The following ANKRD44 variants were observed in gnomAD, a reference collection of about 807,000 sequenced individuals.
ANKRD44 encodes serine/threonine-protein phosphatase 6 regulatory ankyrin repeat subunit B.
ANKRD44 carries 35 observed loss-of-function variants against 116.0 expected under a neutral mutation model. The observed-to-expected ratio is 0.30, with a 90% confidence interval of 0.23 to 0.40. The LOEUF (loss-of-function observed/expected upper bound fraction) is 0.40. ANKRD44 is among the 10% of genes least tolerant of loss of function. ANKRD44 has a pLI of 1.00. For synonymous variants in ANKRD44, 435 were observed against 461.8 expected, an observed-to-expected ratio of 0.94 and a Z score of 0.74; for missense variants, 1,014 against 1,242.6, an observed-to-expected ratio of 0.82 and a Z score of 2.77.
intron 15 of ANKRD44, among the ~76,000 whole-genome samples, chr2:197,080,199 T>A (rs529882957): frequency 6.6e-6 from 1 of 152,344 alleles, no homozygotes; most frequent in African/African-American, 2.4e-5. Flanking sequence ...ATTGAATTTG[T>A]AATATAGCCA....
At chr2:197,044,685 C>T (rs927965425) in intron 16 of ANKRD44, among the ~76,000 whole-genome samples, 2 of 152,050 alleles carry the variant, frequency 1.3e-5, no homozygotes, top group Admixed American at 1.3e-4. Flanking sequence ...TAAGTATATG[C>T]CTGAAAAGTG....
At chr2:197,235,019 A>G (rs774292466) in intron 1 of ANKRD44, among the ~76,000 whole-genome samples, 3 of 152,174 alleles carry the variant, frequency 2.0e-5, no homozygotes, top group Non-Finnish European at 4.4e-5. Flanking sequence ...AATCAGCCCT[A>G]TGTTTCACTC....
At chr2:196,982,891 G>A (rs1325463499), downstream of ANKRD44, among the ~76,000 whole-genome samples, 1 of 152,158 alleles carries the variant, frequency 6.6e-6, no homozygotes, top group East Asian at 1.9e-4. Flanking sequence ...CATGGATGAA[G>A]CTAGAAGCCA....
chr2:197,027,672 G>T (rs1026493001), intron 16 of ANKRD44, among the ~76,000 whole-genome samples: 1 of 137,902 alleles, frequency 7.3e-6, no homozygotes, highest in Non-Finnish European at 1.5e-5. Flanking sequence ...GGAAAATAAT[G>T]CCTGAGAATT....
At chr2:197,001,928 G>A in intron 21 of ANKRD44, 88 bp from the exon 22 acceptor site, 2 of 956,412 alleles carry the variant, frequency 2.1e-6, no homozygotes, top group African/African-American at 1.6e-5. Flanking sequence ...TTGAGTTTTT[G>A]GTTTATGAAT....
intron 16 of ANKRD44, among the ~76,000 whole-genome samples, chr2:197,059,266 T>G (rs1480882014): frequency 2.0e-5 from 3 of 152,174 alleles, no homozygotes; most frequent in African/African-American, 7.2e-5. Context: ...TTCAATAATT[T>G]TAAAAAATTT....
intron 16 of ANKRD44, chr2:197,029,642 T>C: frequency 2.8e-6 from 1 of 353,166 alleles, no homozygotes. Context: ...AAGGCCTTCA[T>C]GGTACCATTA....
intron 16 of ANKRD44, among the ~76,000 whole-genome samples, chr2:197,048,052 G>A (rs1022059613): frequency 5.3e-5 from 8 of 152,062 alleles, no homozygotes. Flanking sequence ...AATAGTTTTT[G>A]AGACTCCTTT....
chr2:197,016,949 G>A (rs998237690), intron 17 of ANKRD44, among the ~76,000 whole-genome samples: 5 of 151,890 alleles, frequency 3.3e-5, no homozygotes, highest in Non-Finnish European at 7.4e-5. Context: ...ATACGCAAAA[G>A]GCATGAAAAG....
intron 2 of ANKRD44, among the ~76,000 whole-genome samples, chr2:197,160,942 C>G (rs1278209087): frequency 6.6e-6 from 1 of 152,076 alleles, no homozygotes; most frequent in African/African-American, 2.4e-5. Flanking sequence ...AATAGAAGCC[C>G]CTTCTTAGTA....
In ANKRD44 at chr2:197,071,304, T is replaced by G. The variant is rs574114026; in HGVS notation, c.1650+7399A>C. 1.9e-4 allele frequency among the ~76,000 whole-genome samples: 29 copies of G among 152,308 alleles called. No homozygotes were observed. In the South Asian group the frequency reaches 5.8e-3, roughly 30 times the overall value. ...GAAGCTTAGATTACTGACTTGAGAC[T>G]TTCCTCTTTTCTGATGTAACCATTT... On this transcript the variant is annotated intron_variant, in intron 16 of 27. Transcript: ENST00000282272.
In ANKRD44 at chr2:197,025,255, T is replaced by G. The variant is rs2076569305; in HGVS notation, c.1663A>C (p.Thr555Pro). The change falls in exon 17 of 28, where the codon ACA (threonine) becomes CCA (proline). Residue 555 changes from threonine to proline, a missense_variant. Physicochemically the swap from Thr to Pro is conservative, Grantham distance 38 (BLOSUM62 -1). Coordinates refer to ENST00000282272, the MANE Select transcript of ANKRD44 (RefSeq NM_001195144.2). ...RQCLELLLER[T>P]NSGFEESDSG... ...TCTGATTCTTCAAATCCACTGTTTG[T>G]TCTTTCCAAAAGCTGTGGAGACAAA... The G allele has an allele frequency of 6.2e-7, 1 of 1,611,148 alleles. No individual in the cohort carries two copies. The highest frequency in any genetic ancestry group is 1.7e-5 in the Admixed American group (1 of 59,980).
intron 3 of ANKRD44, among the ~76,000 whole-genome samples, chr2:197,138,894 C>G (rs2079286965): frequency 6.6e-6 from 1 of 152,026 alleles, no homozygotes; most frequent in Admixed American, 6.5e-5. Flanking sequence ...AAAATGAATG[C>G]AAGTAGAAAC....
chr2:197,273,983 ATATATATATATATATATATATAT>A lies in ANKRD44; in HGVS notation c.27+36572_27+36594del, dbSNP rs2082993290. ...CACAAAAAAAAAAAAAAAAAAAAAT[ATATATATATATATATATATATAT>A]ATATATATATATATATATATATGAA... On this transcript the variant is annotated intron_variant, in intron 1 of 27. Transcript: ENST00000282272. Among the ~76,000 whole-genome samples, 41 of 28,248 alleles carry A rather than the reference ATATATATATATATATATATATAT, an allele frequency of 1.5e-3. 2 individuals carry two copies. The highest frequency in any genetic ancestry group is 2.1e-3 in the Non-Finnish European group (36 of 17,478). The allele number at this position is 28,248 out of a possible 152,430, so 18.5% of individuals were successfully genotyped here. A position where few individuals can be genotyped will look rare whatever the true frequency, so the allele number is the denominator to read the frequency against.
Position 197,005,760 on chromosome 2 carries a change from A to G in ANKRD44, c.2281T>C (p.Ser761Pro). The G allele has an allele frequency of 6.2e-7, 1 of 1,614,112 alleles. No homozygotes were observed. Among genetic ancestry groups the G allele is most frequent in the Non-Finnish European group, 8.5e-7 (1 of 1,179,992 alleles). The change falls in exon 21 of 28, where the codon TCT (serine) becomes CCT (proline). Residue 761 changes from serine (S) to proline (P), a missense_variant. Transcript: ENST00000282272. ...WLSELLQMAL[S>P]EEDCCFKDNQ... ...TCTTTGAAACAACAGTCCTCCTCAG[A>G]AAGAGCCATTTGGAGCAGCTCGCTC...
intron 25 of ANKRD44, 50 bp downstream of exon 25, chr2:196,998,287 C>CTGT (rs1179641956): frequency 1.5e-6 from 2 of 1,333,278 alleles, no homozygotes; most frequent in African/African-American, 2.9e-5. Context: ...GTTATTATTA[C>CTGT]TGTTATTATT....
chr2:197,022,083 C>T (rs2076507997), intron 17 of ANKRD44, among the ~76,000 whole-genome samples: 1 of 152,178 alleles, frequency 6.6e-6, no homozygotes, highest in Non-Finnish European at 1.5e-5. Flanking sequence ...TTTCTTGTAG[C>T]AGTCAAGGTT....
chr2:197,063,015 G>A (rs2077349579), intron 16 of ANKRD44, among the ~76,000 whole-genome samples: 1 of 152,228 alleles, frequency 6.6e-6, no homozygotes, highest in Non-Finnish European at 1.5e-5. Context: ...TGGACAGACT[G>A]CCTCCTCAAG....
At position 197,015,270 on chromosome 2, in the gene ANKRD44, GT is replaced by G. The variant is rs370193241; in HGVS notation, c.1723-1559del. ...CCATCTAACAGCGAAGAAAATATTT[GT>G]TGGTGGTATTAAAGAAGATATAGAG... On this transcript the variant is annotated intron_variant, in intron 17 of 27. Transcript: ENST00000282272. The G allele has an allele frequency of 3.7e-3, 1,278 of 347,664 alleles. 20 individuals carry two copies. Among genetic ancestry groups the G allele is most frequent in the African/African-American group, 0.025 (1,160 of 45,768 alleles). The allele number at this position is 347,664 out of a possible 1,614,324, so 21.5% of individuals were successfully genotyped here.
Sources: gnomAD v4.1 joint callset for allele counts (sites outside exome capture counted in the v4.1 genomes callset) on GRCh38, gnomAD v4.1.1 for gene constraint, MANE v1.5 for transcripts, NCBI Gene and HGNC (gene_info 2026-07-23, HGNC 2026-07-21) for gene names.